The following CACNA1D variants were observed in gnomAD, a reference collection of about 807,000 sequenced individuals.
CACNA1D encodes voltage-dependent L-type calcium channel subunit alpha-1D.
In CACNA1D, 55 loss-of-function variants were observed where a neutral mutation model predicts 257.1. The observed-to-expected ratio is 0.21, with a 90% CI of 0.17 to 0.27. The LOEUF (loss-of-function observed/expected upper bound fraction) is 0.27. CACNA1D is among the 10% of genes least tolerant of loss of function. The pLI, the probability that CACNA1D is intolerant of heterozygous loss-of-function variation, is 1.00. For synonymous variants in CACNA1D, 980 were observed against 1,014.9 expected, an observed-to-expected ratio of 0.97 and a Z score of 0.65; for missense variants, 1,876 against 2,784.0, an observed-to-expected ratio of 0.67 and a Z score of 7.34.
At chr3:53,556,007 C>A (rs757129605) in intron 3 of CACNA1D, among the ~76,000 whole-genome samples, 4 of 152,168 alleles carry the variant, frequency 2.6e-5, no homozygotes, top group Non-Finnish European at 4.4e-5. Context: ...CCATGGCAAC[C>A]ACTGATCTGT....
chr3:53,761,848 C>T (rs1307565281), intron 29 of CACNA1D, 150 bp from the exon 30 acceptor site: 2 of 701,300 alleles, frequency 2.9e-6, no homozygotes, highest in Admixed American at 2.0e-5. Flanking sequence ...CCCTTTCCAC[C>T]AGTGGACAGT....
chr3:53,663,000 A>C (rs1426466673), intron 5 of CACNA1D, among the ~76,000 whole-genome samples: 1 of 152,160 alleles, frequency 6.6e-6, no homozygotes, highest in African/African-American at 2.4e-5. Context: ...GTAGGAGGTA[A>C]AAATATTGAA....
In CACNA1D at chr3:53,666,277, G is replaced by A. The variant is rs34646859; in HGVS notation, c.920-62G>A. On this transcript the variant is annotated intron_variant, in intron 6 of 47. Transcript: ENST00000350061. ...GCTCTGGCAAGGGTTCTCACCTTCC[G>A]CTGGCTTGGATTTCCTGATGTTTCT... 0.12 allele frequency: 189,111 copies of A among 1,519,760 alleles called. 12,087 individuals carry two copies. Among genetic ancestry groups the A allele is most frequent in the South Asian group, 0.13 (11,544 of 88,808 alleles). The allele number at this position is 1,519,760 out of a possible 1,614,324, so 94.1% of individuals were successfully genotyped here.
chr3:53,525,179 G>A lies in CACNA1D; in HGVS notation c.483+23459G>A, dbSNP rs376984438. Among the ~76,000 whole-genome samples, 3 of 152,248 alleles carry A rather than the reference G, an allele frequency of 2.0e-5. 1 individual carries two copies. The highest frequency in any genetic ancestry group is 6.8e-3 in the Middle Eastern group (2 of 292). ...CTCGAGTTGGCAAGGACTCTGGGCC[G>A]AATATTTAGGGCTTGGCTCTTGCTC... On this transcript the variant is annotated intron_variant, in intron 3 of 47. Transcript: ENST00000350061.
chr3:53,626,873 G>A (rs1055540465), intron 3 of CACNA1D, among the ~76,000 whole-genome samples: 4 of 152,186 alleles, frequency 2.6e-5, no homozygotes, highest in South Asian at 2.1e-4. Flanking sequence ...TTCAGTTAAC[G>A]AAACGTCAGT....
chr3:53,650,342 T>G (rs1204355550), intron 3 of CACNA1D, among the ~76,000 whole-genome samples: 3 of 152,216 alleles, frequency 2.0e-5, no homozygotes, highest in Admixed American at 2.0e-4. Flanking sequence ...GCATCTTCAT[T>G]TTTTCCAGAG....
intron 11 of CACNA1D, among the ~76,000 whole-genome samples, chr3:53,722,069 C>A (rs2094888732): frequency 6.6e-6 from 1 of 152,174 alleles, no homozygotes; most frequent in African/African-American, 2.4e-5. Flanking sequence ...ATCTATAAGC[C>A]ATAAGGAAGG....
intron 3 of CACNA1D, among the ~76,000 whole-genome samples, chr3:53,630,274 A>G (rs936464454): frequency 2.0e-5 from 3 of 152,246 alleles, no homozygotes; most frequent in Admixed American, 6.5e-5. Flanking sequence ...TTATGTAACA[A>G]TAGAACAAGA....
chr3:53,510,967 C>T (rs929862826), intron 3 of CACNA1D, among the ~76,000 whole-genome samples: 2 of 152,138 alleles, frequency 1.3e-5, no homozygotes, highest in Admixed American at 6.6e-5. Context: ...AATATTCATT[C>T]CAGGTAGCTA....
chr3:53,749,142 T>C lies in CACNA1D; in HGVS notation c.3315-126T>C, dbSNP rs564787437. 246 of 732,022 alleles carry C rather than the reference T, an allele frequency of 3.4e-4. 2 individuals are homozygous for C. In the African/African-American group the frequency reaches 3.9e-3, roughly 12 times the overall value. The allele number at this position is 732,022 out of a possible 1,614,324, so 45.3% of individuals were successfully genotyped here. A position where few individuals can be genotyped will look rare whatever the true frequency, so the allele number is the denominator to read the frequency against. On this transcript the variant is annotated intron_variant, in intron 26 of 47. Transcript: ENST00000350061. ...AGAGACCTGGTTGTGTCCAGCAGCC[T>C]TGGGGTGGGTTCCCAGCGAGTGCTC...
intron 3 of CACNA1D, among the ~76,000 whole-genome samples, chr3:53,512,464 C>A (rs959694561): frequency 2.6e-5 from 4 of 152,006 alleles, no homozygotes; most frequent in Non-Finnish European, 5.9e-5. Context: ...TTTGATTGAC[C>A]CTGAATGAGG....
chr3:53,701,608 G>C (rs1388340436), intron 8 of CACNA1D, among the ~76,000 whole-genome samples: 1 of 152,224 alleles, frequency 6.6e-6, no homozygotes, highest in Non-Finnish European at 1.5e-5. Context: ...TCTGTGTGCA[G>C]AAACTGCATT....
intron 8 of CACNA1D, 65 bp from the exon 9 acceptor site, chr3:53,702,576 A>G: frequency 6.6e-7 from 1 of 1,505,254 alleles, no homozygotes; most frequent in South Asian, 1.1e-5. Context: ...GCAGTAGGGC[A>G]GTGGCTCAGG....
chr3:53,635,559 G>A (rs982398606), intron 3 of CACNA1D, among the ~76,000 whole-genome samples: 2 of 152,028 alleles, frequency 1.3e-5, no homozygotes, highest in East Asian at 3.9e-4. Flanking sequence ...GCTTTTTCCT[G>A]CCTCCAGGTG....
At chr3:53,553,639 A>G (rs969704062) in intron 3 of CACNA1D, among the ~76,000 whole-genome samples, 37 of 152,170 alleles carry the variant, frequency 2.4e-4, no homozygotes. Context: ...TTTTCTTTCC[A>G]ATGCAGTTGT....
At chr3:53,608,487 T>C (rs1426036142) in intron 3 of CACNA1D, among the ~76,000 whole-genome samples, 1 of 152,208 alleles carries the variant, frequency 6.6e-6, no homozygotes, top group African/African-American at 2.4e-5. Context: ...TCCTGCCTTA[T>C]TACATTATTT....
chr3:53,589,186 C>T (rs1353452850), intron 3 of CACNA1D, among the ~76,000 whole-genome samples: 3 of 152,186 alleles, frequency 2.0e-5, no homozygotes, highest in African/African-American at 7.2e-5. Flanking sequence ...ACCCTATCCT[C>T]ATTAGCATAA....
rs112997575 is a variant in CACNA1D, at chr3:53,630,815, A to G, written c.484-19964A>G. ...ATGGTTGGTTTGGTTCCAGACTACC[A>G]CAATAAAGCAAATATTTGCAGTAAA... On this transcript the variant is annotated intron_variant, in intron 3 of 47. Transcript: ENST00000350061. 6.1e-3 allele frequency among the ~76,000 whole-genome samples: 936 copies of G among 152,332 alleles called. 5 individuals are homozygous for G. Among genetic ancestry groups the G allele is most frequent in the Non-Finnish European group, 8.7e-3 (592 of 68,028 alleles).
At chr3:53,507,744 A>G (rs1398600651) in intron 3 of CACNA1D, among the ~76,000 whole-genome samples, 1 of 152,194 alleles carries the variant, frequency 6.6e-6, no homozygotes, top group Non-Finnish European at 1.5e-5. Flanking sequence ...TTTTATAGTC[A>G]TACCTTATAC....
Sources: allele counts gnomAD v4.1 joint callset (sites outside exome capture counted in the v4.1 genomes callset), GRCh38; gene constraint gnomAD v4.1.1; transcripts MANE v1.5; gene names NCBI Gene and HGNC (gene_info 2026-07-23, HGNC 2026-07-21).